MBTPS1: variants seen among roughly 807,000 people sequenced by gnomAD.
The protein encoded by MBTPS1 is membrane bound transcription factor peptidase, site 1.
MBTPS1 carries 94 observed loss-of-function variants against 127.8 expected under a neutral mutation model. The ratio of observed to expected loss-of-function variants is 0.74; its 90% CI spans 0.62 to 0.87. The LOEUF is 0.87. Among genes scored for constraint, MBTPS1 ranks in the 40% least tolerant of loss-of-function variants. The pLI, the probability that MBTPS1 is intolerant of heterozygous loss-of-function variation, is 0.00. For missense variants in MBTPS1, 1,636 were observed against 1,353.2 expected, an observed-to-expected ratio of 1.21 and a Z score of -3.28; for synonymous variants, 632 against 509.4, an observed-to-expected ratio of 1.24 and a Z score of -3.24.
At chr16:84,111,613 C>T (rs974687209) in intron 1 of MBTPS1, among the ~76,000 whole-genome samples, 2 of 151,868 alleles carry the variant, frequency 1.3e-5, no homozygotes, top group African/African-American at 4.8e-5. Context: ...AGCCAAGGAA[C>T]GCAGGTGGCC....
At chr16:84,113,781 A>G (rs1417842191) in intron 1 of MBTPS1, among the ~76,000 whole-genome samples, 1 of 152,226 alleles carries the variant, frequency 6.6e-6, no homozygotes, top group Non-Finnish European at 1.5e-5. Context: ...AATAGCTCCA[A>G]AGGAGACTGA....
intron 20 of MBTPS1, 142 bp from the exon 21 acceptor site, chr16:84,059,570 A>C (rs759440063): frequency 4.5e-5 from 32 of 707,478 alleles, no homozygotes; most frequent in Non-Finnish European, 7.1e-5. Flanking sequence ...GCTATCCTCC[A>C]TGAGCCGCAG....
chr16:84,103,458 G>T (rs535621700), intron 1 of MBTPS1, among the ~76,000 whole-genome samples: 10 of 152,094 alleles, frequency 6.6e-5, no homozygotes, highest in African/African-American at 2.2e-4. Flanking sequence ...AGCAGTCTCG[G>T]CATTTTGTCC....
chr16:84,089,665 G>C (rs561915050), intron 8 of MBTPS1, among the ~76,000 whole-genome samples: 2 of 152,224 alleles, frequency 1.3e-5, no homozygotes, highest in African/African-American at 4.8e-5. Context: ...TGAGGGAGCT[G>C]AGGCTCAGAG....
chr16:84,097,565 G>C (rs1385055668), intron 3 of MBTPS1, among the ~76,000 whole-genome samples: 1 of 152,174 alleles, frequency 6.6e-6, no homozygotes, highest in Non-Finnish European at 1.5e-5. Flanking sequence ...TAGGATTCTT[G>C]TGCTAAAATT....
At position 84,068,375 on chromosome 16, in the gene MBTPS1, C is replaced by T. The variant is rs777854307; in HGVS notation, c.2035G>A (p.Gly679Arg). Residue 679 changes from glycine to arginine, a missense_variant, in exon 15 of 23, where the codon GGG becomes AGG. Gly to Arg is a moderately radical substitution (Grantham distance 125). Transcript: ENST00000343411. ...RSMGYFVEVL[G>R]APFTCFDASQ... ...GCATCAAAACACGTGAAGGGGGCCC[C>T]GAGGACCTCTACAAAGTAGCCCATG... 8.1e-6 allele frequency: 13 copies of T among 1,614,094 alleles called. No homozygotes were observed. The highest frequency in any genetic ancestry group is 1.1e-5 in the South Asian group (1 of 91,092).
intron 1 of MBTPS1, among the ~76,000 whole-genome samples, chr16:84,114,109 C>T (rs777965268): frequency 4.7e-5 from 7 of 148,614 alleles, no homozygotes; most frequent in Non-Finnish European, 8.9e-5. Context: ...GGACTACAGG[C>T]GCATGCCACC....
chr16:84,069,068 G>A lies in MBTPS1; in HGVS notation c.1956-614C>T, dbSNP rs142354475. On this transcript the variant is annotated intron_variant, in intron 14 of 22. Coordinates refer to ENST00000343411, the MANE Select transcript of MBTPS1 (RefSeq NM_003791.4). ...ACTTCCCACCACTTCCTGTCTACCCGTCTCTGGTCTGAGCCCCTCCAATCT... is the reference window on the plus strand; with the variant it reads ...ACTTCCCACCACTTCCTGTCTACCCATCTCTGGTCTGAGCCCCTCCAATCT... Among the ~76,000 whole-genome samples, 291 of 152,270 alleles carry A rather than the reference G, an allele frequency of 1.9e-3. 1 individual carries two copies. Among genetic ancestry groups the A allele is most frequent in the Non-Finnish European group, 3.5e-3 (236 of 68,010 alleles).
chr16:84,054,693 C>T (rs2085493743), intron 22 of MBTPS1, 48 bp from the exon 23 acceptor site: 4 of 1,421,672 alleles, frequency 2.8e-6, no homozygotes, highest in Non-Finnish European at 3.8e-6. Context: ...ACAGAGCTAC[C>T]ATGACGGCCT....
At chr16:84,076,392 A>G (rs2175248) in intron 11 of MBTPS1, among the ~76,000 whole-genome samples, 18,594 of 152,260 alleles carry the variant, frequency 0.12, 1,337 homozygotes, top group Non-Finnish European at 0.17. Flanking sequence ...CAACGTAAGG[A>G]TAGCCACTCT....
In MBTPS1 at chr16:84,087,388, G is replaced by A; in HGVS notation, c.1104C>T (p.Ala368=). Residue 368 remains alanine, a synonymous_variant, in exon 9 of 23, where the codon GCC becomes GCT. Transcript: ENST00000343411. ...TAGTCATTCCCCTTGAAGAAAAGCG[G>A]GCGATGTTATCTTCAAAGTCAATGC... ...VGGIDFEDNI[A]RFSSRGMTTW... 6.2e-7 allele frequency: 1 copy of A among 1,613,354 alleles called. No homozygotes were observed. Among genetic ancestry groups the A allele is most frequent in the Non-Finnish European group, 8.5e-7 (1 of 1,179,796 alleles).
intron 7 of MBTPS1, among the ~76,000 whole-genome samples, chr16:84,091,254 G>C (rs1017483272): frequency 6.6e-6 from 1 of 152,162 alleles, no homozygotes; most frequent in African/African-American, 2.4e-5. Flanking sequence ...GAAAGGCTGA[G>C]GTGGGTGGAT....
At chr16:84,084,868 G>C (rs995241315) in intron 10 of MBTPS1, 115 bp downstream of exon 10, 3 of 1,066,882 alleles carry the variant, frequency 2.8e-6, no homozygotes, top group Middle Eastern at 2.9e-4. Flanking sequence ...GCTGTGAAGG[G>C]CCTAAGCTCT....
At chr16:84,104,774 A>C (rs937765004) in intron 1 of MBTPS1, among the ~76,000 whole-genome samples, 7 of 152,118 alleles carry the variant, frequency 4.6e-5, no homozygotes, top group Admixed American at 2.6e-4. Flanking sequence ...GCGGTTTTCA[A>C]ATGAAAAAAA....
In MBTPS1 at chr16:84,093,792, T is replaced by A. The variant is rs781315551; in HGVS notation, c.655A>T (p.Thr219Ser). The A allele has an allele frequency of 6.2e-7, 1 of 1,613,810 alleles. No individual in the cohort carries two copies. The highest frequency in any genetic ancestry group is 1.7e-5 in the Admixed American group (1 of 60,028). The change falls in exon 5 of 23, where the codon ACT becomes TCT. Residue 219 changes from threonine (T) to serine (S), a missense_variant. Thr to Ser is a moderately conservative substitution (Grantham distance 58). Transcript: ENST00000343411. ...GANVRVAVFD[T>S]GLSEKHPHFK... ...TGGGGATGCTTCTCGCTCAGCCCAG[T>A]GTCAAAAACAGCAACTCTTACATTA... is the stretch of plus-strand genomic sequence containing the variant.
intron 3 of MBTPS1, among the ~76,000 whole-genome samples, chr16:84,097,386 T>C (rs190768143): frequency 3.3e-5 from 5 of 152,302 alleles, no homozygotes; most frequent in Non-Finnish European, 7.3e-5. Flanking sequence ...ATTTTATGAA[T>C]GAGAAAAACT....
chr16:84,109,503 C>T (rs553653942), intron 1 of MBTPS1: 3 of 152,178 alleles, frequency 2.0e-5, no homozygotes, highest in Non-Finnish European at 4.4e-5. Flanking sequence ...TAATGGGACA[C>T]ACGGAGCCAG....
intron 8 of MBTPS1, among the ~76,000 whole-genome samples, chr16:84,088,180 T>C (rs1216136558): frequency 6.6e-6 from 1 of 152,202 alleles, no homozygotes; most frequent in African/African-American, 2.4e-5. Context: ...TAAAACTGCA[T>C]TGCTAAGCTT....
intron 11 of MBTPS1, among the ~76,000 whole-genome samples, chr16:84,076,181 G>T (rs1025073521): frequency 1.3e-5 from 2 of 152,128 alleles, no homozygotes; most frequent in Admixed American, 6.5e-5. Flanking sequence ...GTATTCATAT[G>T]ATTACCTTTC....
Sources: gnomAD v4.1 joint callset for allele counts (sites outside exome capture counted in the v4.1 genomes callset) on GRCh38, gnomAD v4.1.1 for gene constraint, MANE v1.5 for transcripts, NCBI Gene and HGNC (gene_info 2026-07-23, HGNC 2026-07-21) for gene names.